The following RBCK1 variants were observed in gnomAD, a reference collection of about 807,000 sequenced individuals.
RBCK1 encodes the protein RANBP2-type and C3HC4-type zinc finger containing 1.
Under a neutral mutation model 71.1 loss-of-function variants are expected in RBCK1, and 44 were observed. The ratio of observed to expected loss-of-function variants is 0.62; its 90% CI spans 0.49 to 0.80. The LOEUF is 0.80. RBCK1 is among the 30% of genes least tolerant of loss of function. The probability of loss-of-function intolerance (pLI) is 0.00; values close to 1 mark genes in which losing one functional copy is unlikely to be tolerated. For missense variants in RBCK1, 569 were observed against 685.0 expected (o/e 0.83, Z 1.89); for synonymous variants, 306 against 279.7 (o/e 1.09, Z -0.94).
rs756013920 is a variant in RBCK1, at chr20:419,411, C to G, written c.525C>G (p.Pro175=). 3.1e-6 allele frequency: 5 copies of G among 1,610,578 alleles called. No individual in the cohort carries two copies. In the Admixed American group the frequency reaches 8.4e-5, roughly 27 times the overall value. Residue 175 remains proline, a synonymous_variant, in exon 5 of 12, where the codon CCC becomes CCG. Transcript: ENST00000356286. The stretch of plus-strand genomic sequence containing the variant: ...CTCTGGAGCCAGGCCCCCCAAAGCC[C>G]GGGGTCCCCCAGGAACCCGGACGGG... ...RGPLEPGPPK[P]GVPQEPGRGQ...
At chr20:415,062 C>T (rs1228076126) in intron 2 of RBCK1, among the ~76,000 whole-genome samples, 1 of 152,158 alleles carries the variant, frequency 6.6e-6, no homozygotes, top group East Asian at 1.9e-4. Context: ...TCCTTAAATA[C>T]TTTAGTATGT....
At chr20:420,769 G>C in intron 6 of RBCK1, 102 bp from the exon 7 acceptor site, 1 of 728,124 alleles carries the variant, frequency 1.4e-6, no homozygotes. Context: ...CCTGTGGCTG[G>C]TCTGACCCAG....
chr20:419,633 C>T lies in RBCK1; in HGVS notation c.658C>T (p.Arg220Cys), dbSNP rs767654656. 7 of 1,588,918 alleles carry T rather than the reference C, an allele frequency of 4.4e-6. 1 individual carries two copies. The highest frequency in any genetic ancestry group is 2.7e-5 in the African/African-American group (2 of 74,470). The change falls in exon 6 of 12, where the codon CGC becomes TGC. Residue 220 changes from arginine (R) to cysteine (C), a missense_variant. Arg to Cys is a radical substitution (Grantham distance 180, BLOSUM62 -3). This residue lies in a region of RBCK1 where 358 missense variants were observed against 375.6 expected (regional missense o/e 0.95). Transcript: ENST00000356286. Reference protein sequence around the residue: ...RPGCEMCCRARPEAYQVPASY... With the variant: ...RPGCEMCCRACPEAYQVPASY... ...TGGCTGTGAGATGTGCTGCCGGGCG[C>T]GCCCCGAGGCCTACCAGGTCCCCGC...
Position 428,580 on chromosome 20 carries a change from G to C in RBCK1, c.1299G>C (p.Glu433Asp). ...ATGTGGCTGCCCGGCAGACGACAGA[G>C]ATGCTGAAGGTGAGGCTGGGACAGG... Reference protein sequence around the residue: ...QNDVAARQTTEMLKVMLQQGE... With the variant: ...QNDVAARQTTDMLKVMLQQGE... Residue 433 changes from glutamate (E) to aspartate (D), a missense_variant, in exon 10 of 12, where the codon GAG becomes GAC. By Grantham distance (45) the Glu-to-Asp change is conservative (BLOSUM62 2). Coordinates refer to ENST00000356286, the MANE Select transcript of RBCK1 (RefSeq NM_031229.4). This position sits in a 1 kb window ranked among gnomAD's most constrained non-coding sequence, Gnocchi z 5.7. 6.2e-7 allele frequency: 1 copy of C among 1,610,832 alleles called. No individual in the cohort carries two copies. Among genetic ancestry groups the C allele is most frequent in the Non-Finnish European group, 8.5e-7 (1 of 1,178,770 alleles).
At position 428,085 on chromosome 20, in the gene RBCK1, G is replaced by C. The variant is rs573410772; in HGVS notation, c.1210-406G>C. Among the ~76,000 whole-genome samples the C allele has an allele frequency of 2.0e-5, 3 of 152,198 alleles. No homozygotes were observed. The highest frequency in any genetic ancestry group is 4.4e-5 in the Non-Finnish European group (3 of 68,036). On this transcript the variant is annotated intron_variant, in intron 9 of 11. Transcript: ENST00000356286. The surrounding 1 kb of genome is among the most constrained non-coding windows in gnomAD (Gnocchi z 5.7). ...TGAGGAGCCGGTAAACAGGTCTGGA[G>C]CCTGGTCTCAGACTCAGCCTGAGCA...
At chr20:425,868 G>A (rs1277765897) in intron 8 of RBCK1, among the ~76,000 whole-genome samples, 2 of 151,880 alleles carry the variant, frequency 1.3e-5, no homozygotes, top group Non-Finnish European at 2.9e-5. Flanking sequence ...CTCGTGATGC[G>A]CCCGCCTCGG....
chr20:426,781 CCA>C (rs1329229970), intron 8 of RBCK1, among the ~76,000 whole-genome samples: 1 of 151,114 alleles, frequency 6.6e-6, no homozygotes, highest in African/African-American at 2.4e-5. Context: ...GAAATTCCCC[CCA>C]CTTTCTTTCA....
Position 422,338 on chromosome 20 carries a change from T to C in RBCK1, c.1029+100T>C, listed in dbSNP as rs1348808436. The stretch of plus-strand genomic sequence containing the variant: ...TCTTTCTTTTCTTTCTTTTTTTTTT[T>C]TGGAGATGGGGTCTCACTATGTTGT... On this transcript the variant is annotated intron_variant, in intron 8 of 11. Transcript: ENST00000356286. This position sits in a 1 kb window ranked among gnomAD's most constrained non-coding sequence, Gnocchi z 5.0. The C allele has an allele frequency of 1.1e-5, 11 of 981,708 alleles. No individual in the cohort carries two copies. Among genetic ancestry groups the C allele is most frequent in the Non-Finnish European group, 1.6e-5 (10 of 641,466 alleles). The allele number at this position is 981,708 out of a possible 1,614,324, so 60.8% of individuals were successfully genotyped here. A position where few individuals can be genotyped will look rare whatever the true frequency, so the allele number is the denominator to read the frequency against.
chr20:430,137 C>T lies in RBCK1; in HGVS notation c.1453-213C>T, dbSNP rs1399323033. ...AATATGCAGAGTGGTCAGATCCTCT[C>T]CCTGGCCTGTTCCCGGATCTAGGCG... On this transcript the variant is annotated intron_variant, in intron 11 of 11. Coordinates refer to ENST00000356286, the MANE Select transcript of RBCK1 (RefSeq NM_031229.4). This position sits in a 1 kb window ranked among gnomAD's most constrained non-coding sequence, Gnocchi z 5.6. Among the ~76,000 whole-genome samples, 1 of 152,216 alleles carries T rather than the reference C, an allele frequency of 6.6e-6. No homozygotes were observed. The highest frequency in any genetic ancestry group is 6.5e-5 in the Admixed American group (1 of 15,284).
At chr20:411,556 A>G (rs867654693) in intron 2 of RBCK1, among the ~76,000 whole-genome samples, 1 of 151,682 alleles carries the variant, frequency 6.6e-6, no homozygotes, top group Non-Finnish European at 1.5e-5. Flanking sequence ...TTTAGTAGAG[A>G]CGGGGTTTCG....
intron 2 of RBCK1, among the ~76,000 whole-genome samples, chr20:414,097 A>G (rs932871926): frequency 4.0e-5 from 6 of 151,816 alleles, no homozygotes; most frequent in Non-Finnish European, 8.8e-5. Context: ...CATACAAAAA[A>G]AAAAAAGAAA....
Position 419,466 on chromosome 20 carries a change from C to G in RBCK1, c.580C>G (p.Pro194Ala). The change falls in exon 5 of 12, where the codon CCG becomes GCG. Residue 194 changes from proline (P) to alanine (A), a missense_variant and splice_region_variant. By Grantham distance (27) the Pro-to-Ala change is conservative (BLOSUM62 -1). Around this residue, in one of 2 missense-constraint regions of RBCK1, gnomAD observed 358 missense variants for 375.6 expected, o/e 0.95. Transcript: ENST00000356286. ...GQPDAVPEPP[P>A]VGWQCPGCTF... Reference sequence around the variant, plus strand: ...GCCAGATGCAGTGCCTGAGCCCCCACCGGTAAGCTGTCCTTGGCCTCAGTA... The same window carrying G: ...GCCAGATGCAGTGCCTGAGCCCCCAGCGGTAAGCTGTCCTTGGCCTCAGTA... The G allele has an allele frequency of 6.2e-7, 1 of 1,606,102 alleles. No individual in the cohort carries two copies. The highest frequency in any genetic ancestry group is 1.3e-5 in the African/African-American group (1 of 74,880).
chr20:420,233 C>T (rs1444849395), intron 6 of RBCK1: 5 of 985,088 alleles, frequency 5.1e-6, no homozygotes, highest in South Asian at 4.7e-5. Flanking sequence ...CCTGGACCCT[C>T]GCTGCGCCCT....
At chr20:411,447 A>C (rs1269638373) in intron 2 of RBCK1, among the ~76,000 whole-genome samples, 2 of 152,014 alleles carry the variant, frequency 1.3e-5, no homozygotes, top group African/African-American at 2.4e-5. Context: ...AGCTCACTGC[A>C]AGCTCCACCT....
intron 2 of RBCK1, among the ~76,000 whole-genome samples, chr20:411,324 C>T (rs2015692236): frequency 6.6e-6 from 1 of 152,162 alleles, no homozygotes; most frequent in South Asian, 2.1e-4. Flanking sequence ...CTGCCTTGGC[C>T]TCCCAGGTAG....
chr20:412,416 G>A (rs1160802553), intron 2 of RBCK1, among the ~76,000 whole-genome samples: 2 of 151,948 alleles, frequency 1.3e-5, no homozygotes, highest in African/African-American at 2.4e-5. Context: ...CGCCTCCCAG[G>A]TTCAAGTGAT....
chr20:426,816 C>CTTTTTTTTTTTTTTTTTTTTTTTT (rs768525416), intron 8 of RBCK1, among the ~76,000 whole-genome samples: 12 of 95,512 alleles, frequency 1.3e-4, no homozygotes, highest in South Asian at 3.5e-4. Context: ...TTTTCTTTTC[C>CTTTTTTTTTTTTTTTTTTTTTTTT]TTTTTTTTTT....
chr20:408,851 TGGCCAGAAG>T, intron 1 of RBCK1, 72 bp downstream of exon 1: 4 of 1,550,706 alleles, frequency 2.6e-6, no homozygotes, highest in Non-Finnish European at 3.5e-6. Context: ...GCCTTGCCCC[TGGCCAGAAG>T]GGCCTTGGAG....
chr20:427,187 G>A, intron 8 of RBCK1, 126 bp from the exon 9 acceptor site: 1 of 860,170 alleles, frequency 1.2e-6, no homozygotes, highest in East Asian at 2.6e-5. Flanking sequence ...AGGATTACAT[G>A]AAGAAAAGAG....
Sources: gnomAD v4.1 joint callset for allele counts (sites outside exome capture counted in the v4.1 genomes callset) on GRCh38, gnomAD v4.1.1 for gene constraint, gnomAD v4.1.1 regional missense constraint, Gnocchi (gnomAD v3.1) non-coding constraint, MANE v1.5 for transcripts, NCBI Gene and HGNC (gene_info 2026-07-23, HGNC 2026-07-21) for gene names.